TNFSF13B: variants seen among roughly 807,000 people sequenced by gnomAD.
TNFSF13B encodes TNF superfamily member 13b.
Under a neutral mutation model 29.1 loss-of-function variants are expected in TNFSF13B, and 8 were observed. That is an observed-to-expected ratio of 0.27 (90% CI 0.16 to 0.50). The LOEUF is 0.50. Among genes scored for constraint, TNFSF13B ranks in the 20% least tolerant of loss-of-function variants. The probability of loss-of-function intolerance (pLI) is 0.98; values close to 1 mark genes in which losing one functional copy is unlikely to be tolerated. For missense variants in TNFSF13B, 248 were observed against 334.9 expected, an observed-to-expected ratio of 0.74 and a Z score of 2.03; for synonymous variants, 125 against 130.8, an observed-to-expected ratio of 0.96 and a Z score of 0.30.
intron 2 of TNFSF13B, among the ~76,000 whole-genome samples, chr13:108,274,349 A>G (rs1880703317): frequency 8.1e-6 from 1 of 122,856 alleles, no homozygotes; most frequent in Admixed American, 9.1e-5. Context: ...ATATATGTAC[A>G]AATATATACA....
chr13:108,269,731 C>T lies in TNFSF13B; in HGVS notation c.-165C>T. The T allele has an allele frequency of 1.5e-6, 1 of 646,782 alleles. No individual in the cohort carries two copies. Among genetic ancestry groups the T allele is most frequent in the South Asian group, 1.9e-5 (1 of 51,932 alleles). 40.1% of individuals were successfully genotyped at this position (646,782 alleles called of 1,614,324 possible). On this transcript the variant is annotated 5_prime_UTR_variant, in exon 1 of 6. It introduces an in-frame stop codon into an upstream open reading frame of the 5' UTR. Coordinates refer to ENST00000375887, the MANE Select transcript of TNFSF13B (RefSeq NM_006573.5). ...CTACTGTACAGTAGGGGTAGAGATGCAGAAAGGCAGAAAGGAGAAAATTCA... is the reference window on the plus strand; with the variant it reads ...CTACTGTACAGTAGGGGTAGAGATGTAGAAAGGCAGAAAGGAGAAAATTCA...
chr13:108,292,049 A>G (rs1024469779), intron 3 of TNFSF13B, among the ~76,000 whole-genome samples: 3 of 144,520 alleles, frequency 2.1e-5, no homozygotes, highest in Non-Finnish European at 4.6e-5. Flanking sequence ...ACAATATTTT[A>G]CAACCACCAA....
intron 5 of TNFSF13B, 89 bp downstream of exon 5, chr13:108,303,693 G>C: frequency 7.3e-7 from 1 of 1,361,532 alleles, no homozygotes; most frequent in South Asian, 1.5e-5. Context: ...ATGAAAGGAT[G>C]GTGCCCTAAA....
upstream of TNFSF13B, chr13:108,269,711 G>C: frequency 1.7e-6 from 1 of 599,284 alleles, no homozygotes; most frequent in South Asian, 2.1e-5. Context: ...CAAACCTACT[G>C]TACAGTAGGG....
intron 2 of TNFSF13B, among the ~76,000 whole-genome samples, chr13:108,282,695 T>C (rs1566401309): frequency 6.6e-6 from 1 of 152,168 alleles, no homozygotes; most frequent in Non-Finnish European, 1.5e-5. Flanking sequence ...TTATGATGAG[T>C]AAATTCTCTT....
At chr13:108,270,758 A>G (rs1880591503) in intron 2 of TNFSF13B, among the ~76,000 whole-genome samples, 1 of 152,166 alleles carries the variant, frequency 6.6e-6, no homozygotes, top group South Asian at 2.1e-4. Flanking sequence ...GAGAAGCATT[A>G]TTCATCACTC....
intron 2 of TNFSF13B, among the ~76,000 whole-genome samples, chr13:108,282,532 C>T (rs1236225110): frequency 6.6e-6 from 1 of 152,110 alleles, no homozygotes; most frequent in Admixed American, 6.5e-5. Context: ...TTAAATTACA[C>T]TCTAATTGTG....
At chr13:108,279,945 G>C (rs1170870541) in intron 2 of TNFSF13B, among the ~76,000 whole-genome samples, 1 of 151,858 alleles carries the variant, frequency 6.6e-6, no homozygotes, top group Non-Finnish European at 1.5e-5. Context: ...TTCCTGATTG[G>C]ATCAAATGCC....
Position 108,270,250 on chromosome 13 carries a change from CTGCAAGACGCAGGCAAGA to C in TNFSF13B, c.339+18_339+35del. ...GGGACTGAAAGTGAGTTTGCAGCAG[CTGCAAGACGCAGGCAAGA>C]TCCTGCCTACACTGCTGCCTCTCCC... On this transcript the variant is annotated intron_variant, in intron 1 of 5. Coordinates refer to ENST00000375887, the MANE Select transcript of TNFSF13B (RefSeq NM_006573.5). 1 of 1,609,842 alleles carries C rather than the reference CTGCAAGACGCAGGCAAGA, an allele frequency of 6.2e-7. No individual in the cohort carries two copies. The highest frequency in any genetic ancestry group is 8.5e-7 in the Non-Finnish European group (1 of 1,178,268).
intron 2 of TNFSF13B, among the ~76,000 whole-genome samples, chr13:108,284,780 T>C (rs1881074896): frequency 6.6e-6 from 1 of 152,216 alleles, no homozygotes; most frequent in African/African-American, 2.4e-5. Context: ...CAGAAACCTG[T>C]CAGGGTGCCT....
In TNFSF13B at chr13:108,292,181, T is replaced by C. The variant is rs149943456; in HGVS notation, c.481+5322T>C. 5.9e-5 allele frequency among the ~76,000 whole-genome samples: 9 copies of C among 152,186 alleles called. No homozygotes were observed. In the East Asian group the frequency reaches 1.7e-3, roughly 29 times the overall value. On this transcript the variant is annotated intron_variant, in intron 3 of 5. Coordinates refer to ENST00000375887, the MANE Select transcript of TNFSF13B (RefSeq NM_006573.5). ...ACCAGCAATCTGCTTTATGTCTCTG[T>C]GGATTCACCTATTTTAGATGGTTTA...
chr13:108,272,751 G>C (rs1880655519), intron 2 of TNFSF13B, among the ~76,000 whole-genome samples: 1 of 151,548 alleles, frequency 6.6e-6, no homozygotes, highest in South Asian at 2.1e-4. Flanking sequence ...TGTATTATAA[G>C]AGGCTTCAAT....
chr13:108,272,903 A>C (rs987083981), intron 2 of TNFSF13B, among the ~76,000 whole-genome samples: 1 of 152,120 alleles, frequency 6.6e-6, no homozygotes, highest in Non-Finnish European at 1.5e-5. Flanking sequence ...TAAGAAGAAA[A>C]GAATAATAGA....
chr13:108,277,251 ATTAT>A (rs1880786858), intron 2 of TNFSF13B, among the ~76,000 whole-genome samples: 1 of 152,216 alleles, frequency 6.6e-6, no homozygotes, highest in Non-Finnish European at 1.5e-5. Flanking sequence ...CAGCAAGCTA[ATTAT>A]TTAATAGTTG....
At chr13:108,270,950 T>TACACACACACAC (rs138902471) in intron 2 of TNFSF13B, among the ~76,000 whole-genome samples, 116 of 150,580 alleles carry the variant, frequency 7.7e-4, no homozygotes, top group African/African-American at 2.2e-3. Flanking sequence ...AAGGTTATTT[T>TACACACACACAC]ACACACACAC....
chr13:108,279,559 G>A (rs1205056350), intron 2 of TNFSF13B, among the ~76,000 whole-genome samples: 1 of 152,188 alleles, frequency 6.6e-6, no homozygotes, highest in Admixed American at 6.5e-5. Context: ...TGACACGCAT[G>A]AGACTGTGAA....
At chr13:108,301,976 G>C (rs1594534653) in intron 3 of TNFSF13B, among the ~76,000 whole-genome samples, 1 of 152,112 alleles carries the variant, frequency 6.6e-6, no homozygotes, top group Non-Finnish European at 1.5e-5. Context: ...AATATGTTTG[G>C]TTTGCCTTGG....
rs777296808 is a variant in TNFSF13B, at chr13:108,270,017, C to T, written c.122C>T (p.Ser41Phe). 1.1e-5 allele frequency: 18 copies of T among 1,612,888 alleles called. No individual in the cohort carries two copies. In the South Asian group the frequency reaches 1.9e-4, roughly 17 times the overall value. The change falls in exon 1 of 6, where the codon TCC (serine) becomes TTC (phenylalanine). Residue 41 changes from serine to phenylalanine, a missense_variant. By Grantham distance (155) the Ser-to-Phe change is radical. Around this residue, in one of 2 missense-constraint regions of TNFSF13B, gnomAD observed 186 missense variants for 196.3 expected, o/e 0.95. Transcript: ENST00000375887. ...CGGAAGGAAAGCCCCTCTGTCCGATCCTCCAAAGACGGAAAGCTGCTGGCT... is the reference window on the plus strand; with the variant it reads ...CGGAAGGAAAGCCCCTCTGTCCGATTCTCCAAAGACGGAAAGCTGCTGGCT... Reference protein sequence around the residue: ...LPRKESPSVRSSKDGKLLAAT... With the variant: ...LPRKESPSVRFSKDGKLLAAT...
At chr13:108,282,398 G>A (rs1379293308) in intron 2 of TNFSF13B, among the ~76,000 whole-genome samples, 1 of 152,176 alleles carries the variant, frequency 6.6e-6, no homozygotes, top group East Asian at 1.9e-4. Flanking sequence ...ACAGAAAATA[G>A]TATAACAGAT....
Sources: allele counts gnomAD v4.1 joint callset (sites outside exome capture counted in the v4.1 genomes callset), GRCh38; gene constraint gnomAD v4.1.1; regional missense constraint gnomAD v4.1.1; transcripts MANE v1.5; gene names NCBI Gene and HGNC (gene_info 2026-07-23, HGNC 2026-07-21).